Variants in DCTN6 observed in about 807,000 individuals in gnomAD.
The protein encoded by DCTN6 is dynactin subunit 6.
Under a neutral mutation model 25.8 loss-of-function variants are expected in DCTN6, and 15 were observed. That is an observed-to-expected ratio of 0.58 (90% CI 0.39 to 0.89). The LOEUF is 0.89. Among genes scored for constraint, DCTN6 ranks in the 40% least tolerant of loss-of-function variants. The pLI, the probability that DCTN6 is intolerant of heterozygous loss-of-function variation, is 0.00. For missense variants in DCTN6, 198 were observed against 237.6 expected (o/e 0.83, Z 1.09); for synonymous variants, 64 against 78.3 (o/e 0.82, Z 0.96).
At chr8:30,167,941 TC>T (rs1803706039) in intron 2 of DCTN6, among the ~76,000 whole-genome samples, 1 of 152,210 alleles carries the variant, frequency 6.6e-6, no homozygotes, top group South Asian at 2.1e-4. Context: ...CCTCAAATGA[TC>T]CACCCTCCTC....
chr8:30,179,781 A>G (rs946206702), intron 5 of DCTN6, among the ~76,000 whole-genome samples: 30 of 149,500 alleles, frequency 2.0e-4, no homozygotes, highest in East Asian at 1.9e-4. Context: ...AAAGGGGGGG[A>G]AAAATCAAAG....
At chr8:30,175,295 AT>A in intron 3 of DCTN6, 105 bp downstream of exon 3, 1 of 892,914 alleles carries the variant, frequency 1.1e-6, no homozygotes, top group Non-Finnish European at 1.7e-6. Context: ...GAGGCCTACT[AT>A]TTTAGAGCTA....
intron 1 of DCTN6, among the ~76,000 whole-genome samples, chr8:30,157,468 T>C (rs1803541511): frequency 6.6e-6 from 1 of 152,224 alleles, no homozygotes; most frequent in African/African-American, 2.4e-5. Flanking sequence ...TAGTTCCGTT[T>C]GGATTGGTAG....
intron 1 of DCTN6, among the ~76,000 whole-genome samples, chr8:30,162,210 C>T (rs1050332819): frequency 5.3e-5 from 8 of 152,192 alleles, no homozygotes; most frequent in African/African-American, 1.9e-4. Context: ...CTGCCTCAGC[C>T]TCCCCAGTAG....
chr8:30,156,484 G>T (rs1803526694), intron 1 of DCTN6, 78 bp downstream of exon 1: 17 of 1,511,190 alleles, frequency 1.1e-5, no homozygotes, highest in Non-Finnish European at 1.4e-5. Flanking sequence ...CAATGGTGGC[G>T]ACTCAGAAGG....
intron 2 of DCTN6, among the ~76,000 whole-genome samples, chr8:30,172,718 G>A (rs1474247665): frequency 6.6e-6 from 1 of 152,128 alleles, no homozygotes; most frequent in Non-Finnish European, 1.5e-5. Flanking sequence ...CTCCCAAAGT[G>A]CTGGGATTAC....
chr8:30,175,220 G>A (rs1257559505), intron 3 of DCTN6, 30 bp downstream of exon 3: 3 of 1,580,224 alleles, frequency 1.9e-6, no homozygotes, highest in African/African-American at 2.7e-5. Flanking sequence ...TGTGAACCAA[G>A]TACCATGGGT....
In DCTN6 at chr8:30,164,836, G is replaced by A. The variant is rs143260139; in HGVS notation, c.88+661G>A. 6.6e-4 allele frequency among the ~76,000 whole-genome samples: 100 copies of A among 152,348 alleles called. No homozygotes were observed. The Middle Eastern group carries it at 0.014, about 21-fold the overall frequency. ...TCATCTTGGATGAGAAAGGGGAGGC[G>A]TGGAAGCAAAAGGGCATGTGTTCCA... On this transcript the variant is annotated intron_variant, in intron 2 of 6. Transcript: ENST00000221114.
intron 5 of DCTN6, among the ~76,000 whole-genome samples, chr8:30,179,872 G>A (rs2117599896): frequency 6.6e-6 from 1 of 152,192 alleles, no homozygotes; most frequent in East Asian, 1.9e-4. Context: ...GCTTGTAAGT[G>A]GGACCAGACA....
intron 4 of DCTN6, chr8:30,177,526 G>T: frequency 5.8e-6 from 1 of 171,108 alleles, no homozygotes; most frequent in Non-Finnish European, 1.2e-5. Flanking sequence ...GGCCAACATG[G>T]TGAAACCCCA....
chr8:30,169,723 AG>A (rs1803736278), intron 2 of DCTN6, among the ~76,000 whole-genome samples: 1 of 152,204 alleles, frequency 6.6e-6, no homozygotes, highest in African/African-American at 2.4e-5. Flanking sequence ...GCATCAGAAA[AG>A]CATGAAGTGA....
intron 3 of DCTN6, 70 bp from the exon 4 acceptor site, chr8:30,177,055 AT>A: frequency 8.0e-7 from 1 of 1,245,832 alleles, no homozygotes; most frequent in Non-Finnish European, 1.2e-6. Context: ...ATTAACCCAA[AT>A]TCGAAAATGG....
chr8:30,162,071 TG>T (rs1212114360), intron 1 of DCTN6, among the ~76,000 whole-genome samples: 1 of 150,926 alleles, frequency 6.6e-6, no homozygotes, highest in African/African-American at 2.4e-5. Flanking sequence ...TAAGCATTCT[TG>T]CACAAACATT....
intron 2 of DCTN6, among the ~76,000 whole-genome samples, chr8:30,170,147 A>G (rs1803743799): frequency 6.6e-6 from 1 of 151,722 alleles, no homozygotes; most frequent in Admixed American, 6.6e-5. Flanking sequence ...CACTCCAGCC[A>G]GGACGACAGA....
chr8:30,160,871 GT>G (rs1278630101), intron 1 of DCTN6, among the ~76,000 whole-genome samples: 1 of 152,180 alleles, frequency 6.6e-6, no homozygotes, highest in Non-Finnish European at 1.5e-5. Context: ...CATGGGGCCT[GT>G]AACAAGGAAT....
intron 2 of DCTN6, among the ~76,000 whole-genome samples, chr8:30,167,028 A>C (rs1803686930): frequency 6.7e-6 from 1 of 148,692 alleles, no homozygotes; most frequent in African/African-American, 2.5e-5. Flanking sequence ...AAAGAAGGAG[A>C]GGAAAGGGAG....
chr8:30,170,287 A>G (rs939644639), intron 2 of DCTN6, among the ~76,000 whole-genome samples: 2 of 152,170 alleles, frequency 1.3e-5, no homozygotes, highest in Non-Finnish European at 2.9e-5. Context: ...AGTTGAGAGA[A>G]GCTATTTGAT....
Position 30,183,378 on chromosome 8 carries a change from T to C in DCTN6, c.*205T>C. ...ATGTATTATTTTCCTATATCCTTGG[T>C]TCTTTTCTGATAATTTACAGATTTA... On this transcript the variant is annotated 3_prime_UTR_variant, in exon 7 of 7. Coordinates refer to ENST00000221114, the MANE Select transcript of DCTN6 (RefSeq NM_006571.4). 1 of 384,860 alleles carries C rather than the reference T, an allele frequency of 2.6e-6. No homozygotes were observed. The highest frequency in any genetic ancestry group is 2.1e-5 in the African/African-American group (1 of 47,918). 23.8% of individuals were successfully genotyped at this position (384,860 alleles called of 1,614,324 possible).
intron 1 of DCTN6, among the ~76,000 whole-genome samples, chr8:30,161,099 T>C (rs1212646367): frequency 6.6e-6 from 1 of 152,188 alleles, no homozygotes; most frequent in Admixed American, 6.5e-5. Context: ...GATTGGATTA[T>C]GGGAGTGGTT....
Sources: gnomAD v4.1 joint callset for allele counts (sites outside exome capture counted in the v4.1 genomes callset) on GRCh38, gnomAD v4.1.1 for gene constraint, MANE v1.5 for transcripts, NCBI Gene and HGNC (gene_info 2026-07-23, HGNC 2026-07-21) for gene names.